The following ADGRF1 variants were observed in gnomAD, a reference collection of about 807,000 sequenced individuals.
ADGRF1 encodes the protein G protein-coupled receptor 110.
A neutral mutation model predicts 87.2 loss-of-function variants in ADGRF1; 85 were observed. The ratio of observed to expected loss-of-function variants is 0.97; its 90% confidence interval spans 0.82 to 1.17. ADGRF1 has a LOEUF of 1.17. Ranked by LOEUF, ADGRF1 falls within the 50% of genes most tolerant of loss-of-function variation. The pLI is 0.00. For missense variants in ADGRF1, 1,169 were observed against 1,077.2 expected, an observed-to-expected ratio of 1.09 and a Z score of -1.19; for synonymous variants, 430 against 408.8, an observed-to-expected ratio of 1.05 and a Z score of -0.63.
Position 47,009,388 on chromosome 6 carries a change from C to T in ADGRF1, c.2047G>A (p.Ala683Thr). The change falls in exon 11 of 15, where the codon GCT (alanine) becomes ACT (threonine). Residue 683 changes from alanine to threonine, a missense_variant. Physicochemically the swap from Ala to Thr is moderately conservative, Grantham distance 58. Coordinates refer to ENST00000371253, the MANE Select transcript of ADGRF1 (RefSeq NM_153840.4). ...TGGAACACGAGGATGATCCGGTAAG[C>T]CAGCAGGATGCCAAGCATGAGCATC... ...FWMLMLGILL[A>T]YRIILVFHHM... 7 of 1,613,958 alleles carry T rather than the reference C, an allele frequency of 4.3e-6. No homozygotes were observed. The highest frequency in any genetic ancestry group is 1.3e-5 in the African/African-American group (1 of 74,982).
chr6:47,000,600 C>A (rs915768543), intron 14 of ADGRF1, among the ~76,000 whole-genome samples: 2 of 152,074 alleles, frequency 1.3e-5, no homozygotes. Context: ...AATCTCTTAG[C>A]TTTTTATTTT....
At chr6:47,015,051 G>A (rs1006430248) in intron 8 of ADGRF1, among the ~76,000 whole-genome samples, 4 of 152,132 alleles carry the variant, frequency 2.6e-5, no homozygotes, top group Admixed American at 2.6e-4. Context: ...TACCCTCCCT[G>A]AGGCTGACTC....
At chr6:47,025,210 C>T (rs1203563809) in intron 4 of ADGRF1, among the ~76,000 whole-genome samples, 1 of 152,100 alleles carries the variant, frequency 6.6e-6, no homozygotes, top group Non-Finnish European at 1.5e-5. Flanking sequence ...TGAAAATACC[C>T]ATGGTGTGCA....
At chr6:47,034,385 T>A (rs564609364) in intron 1 of ADGRF1, among the ~76,000 whole-genome samples, 7 of 152,366 alleles carry the variant, frequency 4.6e-5, no homozygotes, top group East Asian at 1.9e-4. Flanking sequence ...TTCTTTAACA[T>A]CTTTTGAGAT....
At chr6:47,020,517 AT>A (rs11433059) in intron 7 of ADGRF1, 9 of 1,502,700 alleles carry the variant, frequency 6.0e-6, no homozygotes, top group East Asian at 4.9e-5. Context: ...AAAAAAAAAA[AT>A]TTAAGGTCCT....
At chr6:47,031,209 T>C (rs934218274) in intron 1 of ADGRF1, among the ~76,000 whole-genome samples, 2 of 152,174 alleles carry the variant, frequency 1.3e-5, no homozygotes, top group Non-Finnish European at 2.9e-5. Flanking sequence ...TGCCAGTCTG[T>C]TTCCAAATGG....
rs542542406 is a variant in ADGRF1, at chr6:47,014,649, C to T, written c.927+32G>A. ...ATATTGCCACTCTGAAACTCAAGACCAGGGCAAGTCTACACAGTGAAAATG... is the reference window on the plus strand; with the variant it reads ...ATATTGCCACTCTGAAACTCAAGACTAGGGCAAGTCTACACAGTGAAAATG... On this transcript the variant is annotated intron_variant, in intron 9 of 14. Coordinates refer to ENST00000371253, the MANE Select transcript of ADGRF1 (RefSeq NM_153840.4). 7.5e-6 allele frequency: 12 copies of T among 1,598,842 alleles called. No homozygotes were observed. In the East Asian group the frequency reaches 2.2e-4, roughly 30 times the overall value.
At position 47,020,577 on chromosome 6, in the gene ADGRF1, G is replaced by A. The variant is rs1047900050; in HGVS notation, c.611+154C>T. ...GGCTTTACTCTTCAGACTTTTTAAAGCATCACAGATCCTTGTTCACTTAGT... is the reference window on the plus strand; with the variant it reads ...GGCTTTACTCTTCAGACTTTTTAAAACATCACAGATCCTTGTTCACTTAGT... On this transcript the variant is annotated intron_variant, in intron 7 of 14. Transcript: ENST00000371253. The A allele has an allele frequency of 2.0e-5, 30 of 1,513,944 alleles. No homozygotes were observed. In the Admixed American group the frequency reaches 5.3e-4, roughly 27 times the overall value. 93.8% of individuals were successfully genotyped at this position (1,513,944 alleles called of 1,614,324 possible). A position where few individuals can be genotyped will look rare whatever the true frequency, so the allele number is the denominator to read the frequency against.
chr6:47,001,707 G>T, intron 13 of ADGRF1, 140 bp from the exon 14 acceptor site: 1 of 642,834 alleles, frequency 1.6e-6, no homozygotes, highest in South Asian at 2.0e-5. Flanking sequence ...AATTTAGAAT[G>T]GTTACTTTCT....
rs1052825019 is a variant in ADGRF1 at position 47,019,879 on chromosome 6, A to G, written c.611+852T>C. 5.1e-6 allele frequency: 5 copies of G among 984,954 alleles called. No individual in the cohort carries two copies. In the Admixed American group the frequency reaches 3.1e-4, roughly 61 times the overall value. The allele number at this position is 984,954 out of a possible 1,614,324, so 61.0% of individuals were successfully genotyped here. ...CAACTTTTGGAATTAAGGCATAAAC[A>G]AAAGGATAATTTACTAAATATTTCT... is the stretch of plus-strand genomic sequence containing the variant. On this transcript the variant is annotated intron_variant, in intron 7 of 14. Transcript: ENST00000371253.
chr6:47,026,175 C>G (rs773693503), intron 3 of ADGRF1, among the ~76,000 whole-genome samples, 172 bp from the exon 4 acceptor site: 18 of 152,172 alleles, frequency 1.2e-4, no homozygotes, highest in Non-Finnish European at 2.4e-4. Flanking sequence ...AGGGTAAACA[C>G]AAGCAAATGG....
chr6:47,024,003 G>C (rs1780150575), intron 5 of ADGRF1, 41 bp downstream of exon 5: 2 of 1,570,082 alleles, frequency 1.3e-6, no homozygotes. Flanking sequence ...TGCATGTTGG[G>C]GTGGGAGAAG....
In ADGRF1 at chr6:47,025,948, C is replaced by G. The variant is rs1780218666; in HGVS notation, c.183G>C (p.Glu61Asp). 6.2e-7 allele frequency: 1 copy of G among 1,611,770 alleles called. No homozygotes were observed. Among genetic ancestry groups the G allele is most frequent in the African/African-American group, 1.3e-5 (1 of 74,896 alleles). The change falls in exon 4 of 15, where the codon GAG becomes GAC. Residue 61 changes from glutamate (E) to aspartate (D), a missense_variant. Transcript: ENST00000371253. Reference sequence around the variant, plus strand: ...TCAGAAAATTTCTCAAATCTCTTTTCTCCTTGGAATCTCTATAGGTCACCT... The same window carrying G: ...TCAGAAAATTTCTCAAATCTCTTTTGTCCTTGGAATCTCTATAGGTCACCT... Reference protein sequence around the residue: ...LLQVTYRDSKEKRDLRNFLKL... With the variant: ...LLQVTYRDSKDKRDLRNFLKL...
intron 4 of ADGRF1, 51 bp from the exon 5 acceptor site, chr6:47,024,268 T>G: frequency 7.7e-7 from 1 of 1,302,946 alleles, no homozygotes; most frequent in Non-Finnish European, 1.1e-6. Context: ...ATAAACTGAC[T>G]ACTGCTGAGC....
intron 1 of ADGRF1, among the ~76,000 whole-genome samples, chr6:47,039,394 C>A (rs1344703385): frequency 6.6e-6 from 1 of 152,212 alleles, no homozygotes; most frequent in Non-Finnish European, 1.5e-5. Context: ...GCATATTCCA[C>A]TTCTATTATT....
intron 7 of ADGRF1, chr6:47,017,196 GA>G (rs1162972752): frequency 4.6e-5 from 7 of 152,338 alleles, no homozygotes; most frequent in Non-Finnish European, 8.8e-5. Context: ...TAGGATGATT[GA>G]AATTCAGCAG....
At position 47,029,031 on chromosome 6, in the gene ADGRF1, A is replaced by G. The variant is rs774811260; in HGVS notation, c.31T>C (p.Phe11Leu). Residue 11 changes from phenylalanine to leucine, a missense_variant, in exon 2 of 15, where the codon TTC becomes CTC. Transcript: ENST00000371253. Reference sequence around the variant, plus strand: ...CCGTGGCCGTCAGTGAAGGTGAAGAAAGAAATGAGCCACAGCACTCCAACT... The same window carrying G: ...CCGTGGCCGTCAGTGAAGGTGAAGAGAGAAATGAGCCACAGCACTCCAACT... MKVGVLWLIS[F>L]FTFTDGHGGF... The G allele has an allele frequency of 7.4e-6, 12 of 1,614,156 alleles. No homozygotes were observed. The South Asian group carries it at 1.2e-4, about 16-fold the overall frequency.
chr6:47,024,304 T>C (rs916910904), intron 4 of ADGRF1, 87 bp from the exon 5 acceptor site: 1 of 945,464 alleles, frequency 1.1e-6, no homozygotes, highest in South Asian at 1.8e-5. Flanking sequence ...TATATGTTTA[T>C]TTTTCAGATT....
rs1582165885 is a variant in ADGRF1 at position 47,020,357 on chromosome 6, G to T, written c.611+374C>A. Reference sequence around the variant, plus strand: ...AAAATACAAAAAAAGTTAGCTGGATGTGGTGGCAGGTGTCTGTAATTCCAG... The same window carrying T: ...AAAATACAAAAAAAGTTAGCTGGATTTGGTGGCAGGTGTCTGTAATTCCAG... On this transcript the variant is annotated intron_variant, in intron 7 of 14. Transcript: ENST00000371253. The T allele has an allele frequency of 7.5e-6, 6 of 795,056 alleles. No individual in the cohort carries two copies. In the East Asian group the frequency reaches 1.7e-4, roughly 23 times the overall value. The allele number at this position is 795,056 out of a possible 1,614,324, so 49.3% of individuals were successfully genotyped here.
Sources: gnomAD v4.1 joint callset for allele counts (sites outside exome capture counted in the v4.1 genomes callset) on GRCh38, gnomAD v4.1.1 for gene constraint, MANE v1.5 for transcripts, NCBI Gene and HGNC (gene_info 2026-07-23, HGNC 2026-07-21) for gene names.